Variants in NRXN1 observed in about 807,000 individuals in gnomAD.
The protein encoded by NRXN1 is neurexin 1, also known as neurexin-1.
In NRXN1, 39 loss-of-function variants were observed where a neutral mutation model predicts 150.9. That is an observed-to-expected ratio of 0.26 (90% CI 0.20 to 0.34). The LOEUF is 0.34. Ranked by LOEUF, NRXN1 falls within the 10% of genes least tolerant of loss-of-function variation. NRXN1 has a pLI of 1.00. For missense variants in NRXN1, 1,815 were observed against 1,949.9 expected (o/e 0.93, Z 1.30); for synonymous variants, 924 against 757.0 (o/e 1.22, Z -3.62).
At chr2:50,552,536 G>T in intron 9 of NRXN1, 51 bp downstream of exon 9, 1 of 1,380,074 alleles carries the variant, frequency 7.2e-7, no homozygotes, top group Non-Finnish European at 1.0e-6. Context: ...AATGGCATGG[G>T]TGGGTGGGGT....
chr2:50,525,578 C>G (rs2092929059), intron 12 of NRXN1, among the ~76,000 whole-genome samples: 1 of 152,120 alleles, frequency 6.6e-6, no homozygotes, highest in Non-Finnish European at 1.5e-5. Flanking sequence ...CATATTTTAG[C>G]AATGGTATAA....
intron 18 of NRXN1, among the ~76,000 whole-genome samples, chr2:50,134,274 A>G (rs1706032351): frequency 1.8e-5 from 1 of 55,300 alleles, no homozygotes; most frequent in African/African-American, 1.4e-4. Context: ...AAGTAACCAG[A>G]AAAAAAAAAA....
At chr2:50,102,764 C>T (rs963840146) in intron 18 of NRXN1, among the ~76,000 whole-genome samples, 6 of 151,980 alleles carry the variant, frequency 3.9e-5, no homozygotes, top group African/African-American at 1.4e-4. Context: ...AGCATGTGCA[C>T]ATAGCCCAGG....
intron 5 of NRXN1, among the ~76,000 whole-genome samples, chr2:50,787,933 T>C (rs942263318): frequency 6.6e-6 from 1 of 152,124 alleles, no homozygotes; most frequent in Non-Finnish European, 1.5e-5. Context: ...TTAAATGGCA[T>C]AATATAAATG....
chr2:50,571,352 G>A (rs551902627), intron 8 of NRXN1, among the ~76,000 whole-genome samples: 2 of 152,176 alleles, frequency 1.3e-5, no homozygotes, highest in African/African-American at 2.4e-5. Flanking sequence ...TAAGTTTCCT[G>A]GGTCTTAAGA....
At chr2:50,406,356 C>T (rs1040228342) in intron 17 of NRXN1, among the ~76,000 whole-genome samples, 15 of 152,066 alleles carry the variant, frequency 9.9e-5, no homozygotes, top group African/African-American at 3.6e-4. Context: ...CTTTTAAAGT[C>T]TGTCTGGATC....
At chr2:50,922,165 G>A (rs951966653) in intron 4 of NRXN1, among the ~76,000 whole-genome samples, 1 of 151,852 alleles carries the variant, frequency 6.6e-6, no homozygotes, top group Non-Finnish European at 1.5e-5. Context: ...AATCTACGTA[G>A]AGAAAGTATT....
intron 15 of NRXN1, among the ~76,000 whole-genome samples, chr2:50,479,025 C>G (rs2090225784): frequency 6.6e-6 from 1 of 152,208 alleles, no homozygotes; most frequent in African/African-American, 2.4e-5. Context: ...CTGTCTCAGT[C>G]ACTCCACTGT....
At chr2:50,967,338 G>C (rs1050360483) in intron 2 of NRXN1, among the ~76,000 whole-genome samples, 5 of 151,814 alleles carry the variant, frequency 3.3e-5, no homozygotes, top group Non-Finnish European at 7.4e-5. Flanking sequence ...ATCTGTATTT[G>C]TTTCCTCTAA....
At chr2:51,015,671 T>C (rs768355370) in intron 2 of NRXN1, among the ~76,000 whole-genome samples, 1 of 151,978 alleles carries the variant, frequency 6.6e-6, no homozygotes, top group Non-Finnish European at 1.5e-5. Flanking sequence ...AAAAAATATT[T>C]AAATATCATT....
Position 50,363,859 on chromosome 2 carries a change from A to G in NRXN1, c.3364+101583T>C, listed in dbSNP as rs377096912. Among the ~76,000 whole-genome samples, 15 of 152,350 alleles carry G rather than the reference A, an allele frequency of 9.8e-5. No individual in the cohort carries two copies. In the East Asian group the frequency reaches 1.3e-3, roughly 14 times the overall value. On this transcript the variant is annotated intron_variant, in intron 17 of 22. Coordinates refer to ENST00000401669, the MANE Select transcript of NRXN1 (RefSeq NM_001330078.2). ...ACCAACCCAAATGCCCGTCAATATT[A>G]GACTGGATAAAGAAAATGTGCACAT... is the stretch of plus-strand genomic sequence containing the variant.
rs576429291 is a variant in NRXN1, at chr2:50,501,785, C to T, written c.2498-4071G>A. 3.3e-5 allele frequency among the ~76,000 whole-genome samples: 5 copies of T among 152,276 alleles called. No individual in the cohort carries two copies. The East Asian group carries it at 7.7e-4, about 24-fold the overall frequency. ...AGGAAATCTCCTTCCTTGGGCTTCTCTGCTGGCAAATACTATCCTCACGAT... is the reference window on the plus strand; with the variant it reads ...AGGAAATCTCCTTCCTTGGGCTTCTTTGCTGGCAAATACTATCCTCACGAT... On this transcript the variant is annotated intron_variant, in intron 13 of 22. Transcript: ENST00000401669.
chr2:50,665,196 A>T (rs899057354), intron 5 of NRXN1, among the ~76,000 whole-genome samples: 4 of 151,944 alleles, frequency 2.6e-5, no homozygotes, highest in African/African-American at 9.7e-5. Context: ...CATGTACTAG[A>T]TTTAATAGAT....
At chr2:50,268,173 G>C (rs2069122232) in intron 17 of NRXN1, among the ~76,000 whole-genome samples, 1 of 152,138 alleles carries the variant, frequency 6.6e-6, no homozygotes, top group Admixed American at 6.6e-5. Flanking sequence ...ATGGGTGACA[G>C]TGAGACTCTG....
intron 5 of NRXN1, among the ~76,000 whole-genome samples, chr2:50,844,106 C>T (rs1039973533): frequency 1.3e-5 from 2 of 152,088 alleles, no homozygotes; most frequent in African/African-American, 2.4e-5. Flanking sequence ...CGAAGAACAG[C>T]GAAAGTGAGA....
At chr2:50,383,513 A>G (rs1466431239) in intron 17 of NRXN1, among the ~76,000 whole-genome samples, 2 of 152,200 alleles carry the variant, frequency 1.3e-5, no homozygotes, top group Admixed American at 1.3e-4. Context: ...TTTATGGGGC[A>G]CAATGTGATG....
chr2:49,959,785 A>G (rs1309697616), intron 21 of NRXN1, among the ~76,000 whole-genome samples: 1 of 152,190 alleles, frequency 6.6e-6, no homozygotes, highest in Non-Finnish European at 1.5e-5. Flanking sequence ...CTTCATTATT[A>G]TTTTATAAGA....
chr2:50,054,130 C>G (rs1693224230), intron 20 of NRXN1, among the ~76,000 whole-genome samples: 1 of 151,734 alleles, frequency 6.6e-6, no homozygotes, highest in Admixed American at 6.6e-5. Flanking sequence ...TTCTATTTTT[C>G]CGGCAATCAC....
intron 2 of NRXN1, among the ~76,000 whole-genome samples, chr2:50,957,268 T>C (rs1350058248): frequency 1.3e-5 from 2 of 152,176 alleles, no homozygotes. Context: ...ATTAGCTATG[T>C]GTCCTTGAGC....
Sources: allele counts gnomAD v4.1 joint callset (sites outside exome capture counted in the v4.1 genomes callset), GRCh38; gene constraint gnomAD v4.1.1; transcripts MANE v1.5; gene names NCBI Gene and HGNC (gene_info 2026-07-23, HGNC 2026-07-21).